The following EPS15 variants were observed in gnomAD, a reference collection of about 807,000 sequenced individuals.
The protein encoded by EPS15 is epidermal growth factor receptor pathway substrate 15, also known as epidermal growth factor receptor substrate 15.
Under a neutral mutation model 113.8 loss-of-function variants are expected in EPS15, and 72 were observed. The ratio of observed to expected loss-of-function variants is 0.63; its 90% CI spans 0.52 to 0.77. The LOEUF (loss-of-function observed/expected upper bound fraction) is 0.77. Among genes scored for constraint, EPS15 ranks in the 30% least tolerant of loss-of-function variants. The pLI is 0.00. For synonymous variants in EPS15, 344 were observed against 363.4 expected (o/e 0.95, Z 0.61); for missense variants, 1,048 against 1,045.8 (o/e 1.00, Z -0.03).
intron 12 of EPS15, among the ~76,000 whole-genome samples, chr1:51,436,010 A>T (rs1253080934): frequency 2.6e-5 from 4 of 152,228 alleles, no homozygotes. Context: ...AGAGGTAATA[A>T]ACCCATCTAT....
intron 1 of EPS15, among the ~76,000 whole-genome samples, chr1:51,514,346 T>G (rs1644676940): frequency 6.6e-6 from 1 of 152,126 alleles, no homozygotes; most frequent in South Asian, 2.1e-4. Flanking sequence ...TTTACTTGGT[T>G]TTGGTTTCCA....
chr1:51,413,889 C>T (rs1649971938), intron 13 of EPS15, among the ~76,000 whole-genome samples: 1 of 152,104 alleles, frequency 6.6e-6, no homozygotes, highest in South Asian at 2.1e-4. Context: ...GCTGAGGCTA[C>T]AGGCATGTGC....
chr1:51,385,525 T>C (rs1647042788), intron 21 of EPS15, among the ~76,000 whole-genome samples: 1 of 152,116 alleles, frequency 6.6e-6, no homozygotes, highest in Non-Finnish European at 1.5e-5. Context: ...AAAAACAGCA[T>C]TACCATATGA....
At chr1:51,358,735 GT>G (rs1646305172) in intron 24 of EPS15, among the ~76,000 whole-genome samples, 1 of 141,910 alleles carries the variant, frequency 7.0e-6, no homozygotes, top group Admixed American at 7.0e-5. Context: ...TTGAGGCGGA[GT>G]CTCGCTCTGT....
chr1:51,505,868 T>C (rs1644491326), intron 1 of EPS15, among the ~76,000 whole-genome samples: 1 of 144,480 alleles, frequency 6.9e-6, no homozygotes, highest in Non-Finnish European at 1.6e-5. Flanking sequence ...CTTGGCTCAC[T>C]ACAATTTATT....
chr1:51,452,464 G>A (rs1032148244), intron 8 of EPS15, among the ~76,000 whole-genome samples: 2 of 151,822 alleles, frequency 1.3e-5, no homozygotes, highest in Non-Finnish European at 2.9e-5. Context: ...TTTATGTTTT[G>A]CAGAGATGGG....
intron 1 of EPS15, among the ~76,000 whole-genome samples, chr1:51,510,363 A>C (rs1242750872): frequency 6.6e-6 from 1 of 152,248 alleles, no homozygotes; most frequent in Non-Finnish European, 1.5e-5. Flanking sequence ...GCCTGGGTTC[A>C]AGTCTCAACT....
At chr1:51,433,320 A>T (rs772735127) in intron 12 of EPS15, among the ~76,000 whole-genome samples, 3 of 152,260 alleles carry the variant, frequency 2.0e-5, no homozygotes, top group Non-Finnish European at 2.9e-5. Context: ...ACTAACATGT[A>T]TTGAGAACTT....
intron 21 of EPS15, among the ~76,000 whole-genome samples, chr1:51,382,635 T>G (rs1013341583): frequency 9.2e-5 from 14 of 152,060 alleles, no homozygotes; most frequent in African/African-American, 3.4e-4. Flanking sequence ...GCCAGGCTGG[T>G]TTTGAACTCC....
Position 51,463,686 on chromosome 1 carries a change from TC to T in EPS15, c.487del (p.Asp163IlefsTer9). 1 of 1,592,372 alleles carries T rather than the reference TC, an allele frequency of 6.3e-7. No individual in the cohort carries two copies. The highest frequency in any genetic ancestry group is 8.6e-7 in the Non-Finnish European group (1 of 1,162,420). On this transcript the variant is annotated frameshift_variant, in exon 7 of 25. Transcript: ENST00000371733. LOFTEE classifies it high-confidence loss of function. ...ATAATATCTTACTCTTCCAAGGATATCCACAGGTAACTTAGAGTTGAGCAAC... is the reference window on the plus strand; with the variant it reads ...ATAATATCTTACTCTTCCAAGGATATCACAGGTAACTTAGAGTTGAGCAAC... ...PVLLNSKLPV[D>X]ILGRVWELSD...
intron 13 of EPS15, among the ~76,000 whole-genome samples, chr1:51,415,036 C>CA (rs1231010441): frequency 6.6e-6 from 1 of 151,972 alleles, no homozygotes; most frequent in African/African-American, 2.4e-5. Flanking sequence ...TTAAGTATCA[C>CA]ATTGCTACCA....
intron 20 of EPS15, among the ~76,000 whole-genome samples, chr1:51,395,126 C>G (rs1451579568): frequency 1.3e-5 from 2 of 152,152 alleles, no homozygotes; most frequent in Non-Finnish European, 2.9e-5. Flanking sequence ...TCTGAAAGCA[C>G]TGGGATTTTA....
intron 24 of EPS15, among the ~76,000 whole-genome samples, chr1:51,357,384 A>AT: frequency 1.8e-5 from 1 of 54,620 alleles, no homozygotes; most frequent in Non-Finnish European, 3.4e-5. Context: ...CTGAAAAAAA[A>AT]AAAAAAAATA....
rs1646380682 is a variant in EPS15 at position 51,361,306 on chromosome 1, A to G, written c.2409T>C (p.Asn803=). The change falls in exon 24 of 25, where the codon AAT becomes AAC. Residue 803 remains asparagine, a synonymous_variant. Coordinates refer to ENST00000371733, the MANE Select transcript of EPS15 (RefSeq NM_001981.3). Reference sequence around the variant, plus strand: ...TGCCTGGGAAAGGCTGAAATGGATCATTCAGTTTAAAGGGATCAGGAGAAT... The same window carrying G: ...TGCCTGGGAAAGGCTGAAATGGATCGTTCAGTTTAAAGGGATCAGGAGAAT... The part of the protein sequence containing the change: ...KLDSPDPFKL[N]DPFQPFPGND... 2 of 1,613,930 alleles carry G rather than the reference A, an allele frequency of 1.2e-6. No individual in the cohort carries two copies. The highest frequency in any genetic ancestry group is 1.7e-5 in the Admixed American group (1 of 60,006).
intron 13 of EPS15, among the ~76,000 whole-genome samples, chr1:51,415,796 C>CAAAAAAAAAAAAAAAAAA (rs55806131): frequency 9.1e-5 from 2 of 21,928 alleles, no homozygotes; most frequent in African/African-American, 3.4e-4. Context: ...AACTCCGTCT[C>CAAAAAAAAAAAAAAAAAA]AAAAAAAAAA....
At chr1:51,357,606 T>C (rs940350804) in intron 24 of EPS15, among the ~76,000 whole-genome samples, 2 of 148,750 alleles carry the variant, frequency 1.3e-5, no homozygotes, top group African/African-American at 5.0e-5. Flanking sequence ...ATTTTTAATT[T>C]AATCCCACTG....
At chr1:51,451,505 A>AAAAGAAAG (rs1553128773) in intron 8 of EPS15, among the ~76,000 whole-genome samples, 182 of 147,600 alleles carry the variant, frequency 1.2e-3, no homozygotes, top group Non-Finnish European at 1.4e-3. Context: ...AAAAAAAAAA[A>AAAAGAAAG]AAAGAAAGAA....
chr1:51,410,078 A>T (rs1327284081), intron 13 of EPS15, among the ~76,000 whole-genome samples: 1 of 151,584 alleles, frequency 6.6e-6, no homozygotes, highest in Admixed American at 6.6e-5. Flanking sequence ...AAAAAAAAAA[A>T]TTTAGCTGGG....
intron 12 of EPS15, chr1:51,422,166 T>G (rs1650819961): frequency 5.3e-6 from 3 of 562,466 alleles, no homozygotes; most frequent in Non-Finnish European, 4.9e-6. Flanking sequence ...GCTATGGAAA[T>G]AGTGTCCAAT....
Sources: allele counts gnomAD v4.1 joint callset (sites outside exome capture counted in the v4.1 genomes callset), GRCh38; gene constraint gnomAD v4.1.1; transcripts MANE v1.5; gene names NCBI Gene and HGNC (gene_info 2026-07-23, HGNC 2026-07-21).